CCDC141: variants seen among roughly 807,000 people sequenced by gnomAD.
CCDC141 encodes the protein coiled-coil domain-containing protein 141.
A neutral mutation model predicts 181.0 loss-of-function variants in CCDC141; 168 were observed. The ratio of observed to expected loss-of-function variants is 0.93; its 90% CI spans 0.82 to 1.05. The LOEUF is 1.05. CCDC141 is among the 50% of genes least tolerant of loss of function. CCDC141 has a pLI of 0.00. For synonymous variants in CCDC141, 666 were observed against 642.3 expected, an observed-to-expected ratio of 1.04 and a Z score of -0.56; for missense variants, 1,902 against 1,788.5, an observed-to-expected ratio of 1.06 and a Z score of -1.14.
At chr2:178,897,501 G>T (rs914685887) in intron 8 of CCDC141, among the ~76,000 whole-genome samples, 4 of 152,168 alleles carry the variant, frequency 2.6e-5, no homozygotes, top group Non-Finnish European at 4.4e-5. Flanking sequence ...TCTACATTAA[G>T]AAGGCAGTAA....
intron 2 of CCDC141, among the ~76,000 whole-genome samples, chr2:179,015,103 TAATATATATATAATCATA>T: frequency 3.5e-5 from 1 of 28,212 alleles, no homozygotes; most frequent in Non-Finnish European, 9.5e-5. Flanking sequence ...TATATATATA[TAATATATATATAATCATA>T]TATATATATC....
intron 4 of CCDC141, among the ~76,000 whole-genome samples, chr2:178,966,071 C>A (rs902091621): frequency 3.3e-5 from 5 of 152,224 alleles, no homozygotes; most frequent in African/African-American, 1.2e-4. Context: ...TGCCATATTT[C>A]TCTTCTCTGG....
chr2:178,955,686 G>T (rs115959734), intron 5 of CCDC141, among the ~76,000 whole-genome samples: 4 of 151,898 alleles, frequency 2.6e-5, no homozygotes, highest in Admixed American at 1.3e-4. Context: ...CTATGCTCAC[G>T]CTTGGATAAA....
At chr2:179,033,208 A>C (rs1343545060) in intron 2 of CCDC141, among the ~76,000 whole-genome samples, 1 of 151,598 alleles carries the variant, frequency 6.6e-6, no homozygotes, top group East Asian at 1.9e-4. Context: ...AGATTTGATA[A>C]ACCATGTATA....
chr2:178,820,588 C>T, the CCDC141 span, among the ~76,000 whole-genome samples: 1 of 152,100 alleles, frequency 6.6e-6, no homozygotes, highest in Non-Finnish European at 1.5e-5. Flanking sequence ...TTTGTAATTA[C>T]TTTACATGCA....
chr2:178,872,416 C>T (rs1374275173), intron 12 of CCDC141, 104 bp from the exon 13 acceptor site: 1 of 1,106,256 alleles, frequency 9.0e-7, no homozygotes. Flanking sequence ...ACAACCAAAG[C>T]CGAAGATGGT....
chr2:178,888,195 G>T (rs1416144772), intron 9 of CCDC141, among the ~76,000 whole-genome samples: 1 of 152,092 alleles, frequency 6.6e-6, no homozygotes, highest in Non-Finnish European at 1.5e-5. Flanking sequence ...AGAAACTTGT[G>T]CATATTTGAA....
chr2:179,040,809 T>C (rs2043276985), intron 2 of CCDC141, among the ~76,000 whole-genome samples: 3 of 152,242 alleles, frequency 2.0e-5, no homozygotes, highest in Admixed American at 2.0e-4. Flanking sequence ...GTTGATTCCA[T>C]GTCTTTGCTA....
At chr2:178,918,015 T>G (rs1688527125) in intron 7 of CCDC141, among the ~76,000 whole-genome samples, 1 of 152,224 alleles carries the variant, frequency 6.6e-6, no homozygotes, top group Non-Finnish European at 1.5e-5. Context: ...AAGGTATTTT[T>G]CAGCCTTGAT....
At chr2:178,836,673 T>C (rs1684486968) in intron 23 of CCDC141, 1 of 460,170 alleles carries the variant, frequency 2.2e-6, no homozygotes, top group Admixed American at 4.0e-5. Context: ...ATTTGTTAAA[T>C]TATTAGTACT....
chr2:178,845,920 TC>T (rs1468150773), intron 21 of CCDC141, among the ~76,000 whole-genome samples, 178 bp from the exon 22 acceptor site: 1 of 152,190 alleles, frequency 6.6e-6, no homozygotes, highest in Admixed American at 6.5e-5. Context: ...GCTCACAGTT[TC>T]CCTCCTGCCT....
chr2:179,025,891 T>G lies in CCDC141; in HGVS notation c.225+21393A>C, dbSNP rs144569844. 4.3e-4 allele frequency among the ~76,000 whole-genome samples: 65 copies of G among 152,250 alleles called. No individual in the cohort carries two copies. The East Asian group carries it at 9.5e-3, about 22-fold the overall frequency. The stretch of plus-strand genomic sequence containing the variant: ...ACTTATTGTGTTTTAGCAAAGAGAT[T>G]GGTGGTATTTTGTCCCTGCCCTAGA... On this transcript the variant is annotated intron_variant, in intron 2 of 23. Transcript: ENST00000443758.
At chr2:178,943,830 G>GGA (rs1251900835) in intron 6 of CCDC141, among the ~76,000 whole-genome samples, 1 of 152,050 alleles carries the variant, frequency 6.6e-6, no homozygotes, top group African/African-American at 2.4e-5. Flanking sequence ...CAAAACACTG[G>GGA]TGCTTTACTC....
chr2:178,916,336 T>G (rs1336773945), intron 7 of CCDC141, among the ~76,000 whole-genome samples: 2 of 152,106 alleles, frequency 1.3e-5, no homozygotes, highest in Non-Finnish European at 2.9e-5. Context: ...CAGTTCTTTA[T>G]TTAAACTAGG....
intron 6 of CCDC141, among the ~76,000 whole-genome samples, chr2:178,924,487 AT>A (rs201542376): frequency 6.6e-4 from 97 of 147,762 alleles, no homozygotes; most frequent in East Asian, 1.2e-3. Context: ...TCTGCTTAAG[AT>A]TTTTTTTTTT....
rs183731719 is a variant in CCDC141, at chr2:178,955,936, G to A, written c.780+5294C>T. On this transcript the variant is annotated intron_variant, in intron 5 of 23. Transcript: ENST00000443758. Reference sequence around the variant, plus strand: ...ACTGGTCTTCAATCTGAGACCAATCGTCATCTGAGCATGACATTGCGGGGG... The same window carrying A: ...ACTGGTCTTCAATCTGAGACCAATCATCATCTGAGCATGACATTGCGGGGG... Among the ~76,000 whole-genome samples the A allele has an allele frequency of 6.6e-4, 100 of 152,258 alleles. 1 individual carries two copies. Among genetic ancestry groups the A allele is most frequent in the African/African-American group, 2.2e-3 (93 of 41,540 alleles).
At chr2:178,931,910 A>G (rs973032981) in intron 6 of CCDC141, among the ~76,000 whole-genome samples, 31 of 152,268 alleles carry the variant, frequency 2.0e-4, no homozygotes, top group East Asian at 1.9e-3. Flanking sequence ...TCACGCGTGT[A>G]ATCCCTGCAC....
chr2:179,023,627 A>C (rs1158378402), intron 2 of CCDC141, among the ~76,000 whole-genome samples: 2 of 152,226 alleles, frequency 1.3e-5, no homozygotes, highest in Non-Finnish European at 2.9e-5. Flanking sequence ...CTTACAACTA[A>C]TTTAGACAAA....
At chr2:179,046,593 G>A (rs2043505703) in intron 2 of CCDC141, among the ~76,000 whole-genome samples, 1 of 152,228 alleles carries the variant, frequency 6.6e-6, no homozygotes, top group Non-Finnish European at 1.5e-5. Flanking sequence ...TACACATGAA[G>A]GAGCCAGACA....
Sources: gnomAD v4.1 joint callset for allele counts (sites outside exome capture counted in the v4.1 genomes callset) on GRCh38, gnomAD v4.1.1 for gene constraint, MANE v1.5 for transcripts, NCBI Gene and HGNC (gene_info 2026-07-23, HGNC 2026-07-21) for gene names.